The following C16orf89 variants were observed in gnomAD, a reference collection of about 807,000 sequenced individuals.
C16orf89 encodes the protein UPF0764 protein C16orf89.
In C16orf89, 57 loss-of-function variants were observed where a neutral mutation model predicts 41.5. The ratio of observed to expected loss-of-function variants is 1.38; its 90% confidence interval spans 1.11 to 1.71. The LOEUF (loss-of-function observed/expected upper bound fraction) is 1.71, where lower values mean the gene tolerates loss of function less well. Among genes scored for constraint, C16orf89 ranks in the 40% most tolerant of loss-of-function variants. C16orf89 has a pLI of 0.00. For synonymous variants in C16orf89, 223 were observed against 190.6 expected, an observed-to-expected ratio of 1.17 and a Z score of -1.40; for missense variants, 575 against 445.9, an observed-to-expected ratio of 1.29 and a Z score of -2.61.
intron 1 of C16orf89, among the ~76,000 whole-genome samples, chr16:5,064,681 C>A (rs1956698850): frequency 6.6e-6 from 1 of 152,158 alleles, no homozygotes; most frequent in African/African-American, 2.4e-5. Flanking sequence ...CACTGAATTC[C>A]TAGGGAATCT....
rs370716764 is a variant in C16orf89, at chr16:5,060,322, C to G, written c.473G>C (p.Arg158Thr). 1.2e-6 allele frequency: 2 copies of G among 1,612,582 alleles called. No individual in the cohort carries two copies. Among genetic ancestry groups the G allele is most frequent in the African/African-American group, 1.3e-5 (1 of 74,872 alleles). The change falls in exon 3 of 8, where the codon AGA becomes ACA. Residue 158 changes from arginine (R) to threonine (T), a missense_variant. Arg to Thr is a moderately conservative substitution (Grantham distance 71, BLOSUM62 -1). Coordinates refer to ENST00000472572, the MANE Select transcript of C16orf89 (RefSeq NM_001098514.3). ...CAGCTGCACCAGGCACACGTCACTT[C>G]TCTCCTCTGAGAATGAGTCCTGGGG... is the stretch of plus-strand genomic sequence containing the variant. Reference protein sequence around the residue: ...FGPQDSFSEERSDVCLVQLLG... With the variant: ...FGPQDSFSEETSDVCLVQLLG...
intron 7 of C16orf89, among the ~76,000 whole-genome samples, chr16:5,047,286 C>T (rs1468064699): frequency 1.3e-5 from 2 of 152,194 alleles, no homozygotes; most frequent in African/African-American, 4.8e-5. Flanking sequence ...TCAGCTCTTA[C>T]AACACCTCTG....
intron 2 of C16orf89, among the ~76,000 whole-genome samples, chr16:5,060,927 C>T (rs1015312470): frequency 1.2e-4 from 16 of 137,606 alleles, no homozygotes; most frequent in African/African-American, 4.1e-4. Flanking sequence ...TTGGAGAATG[C>T]AGTGAGCTAT....
chr16:5,053,988 T>C (rs1295053247), intron 6 of C16orf89, among the ~76,000 whole-genome samples: 1 of 152,224 alleles, frequency 6.6e-6, no homozygotes, highest in Non-Finnish European at 1.5e-5. Flanking sequence ...AATTATTACA[T>C]GTCTATTGAG....
intron 2 of C16orf89, among the ~76,000 whole-genome samples, chr16:5,061,502 A>ATAG (rs1567159530): frequency 2.1e-5 from 1 of 46,650 alleles, no homozygotes; most frequent in Non-Finnish European, 3.4e-5. Context: ...AAAAAAAAAA[A>ATAG]AACCCCCCCA....
At chr16:5,062,932 C>T (rs1160709577) in intron 1 of C16orf89, among the ~76,000 whole-genome samples, 1 of 152,174 alleles carries the variant, frequency 6.6e-6, no homozygotes, top group Non-Finnish European at 1.5e-5. Context: ...CCACTGTGTA[C>T]AGTTGAGCAG....
rs1224847127 is a variant in C16orf89, at chr16:5,058,877, A to G, written c.510-267T>C. ...CCTATTGCTCCATGGGCCAAATCAC[A>G]TCTTTTCCAGCCCCGAACAGTGGGT... On this transcript the variant is annotated intron_variant, in intron 3 of 7. Transcript: ENST00000472572. Among the ~76,000 whole-genome samples, 3 of 152,184 alleles carry G rather than the reference A, an allele frequency of 2.0e-5. 1 individual carries two copies. Among genetic ancestry groups the G allele is most frequent in the East Asian group, 3.9e-4 (2 of 5,126 alleles).
chr16:5,065,253 A>G (rs2142686291), intron 1 of C16orf89, among the ~76,000 whole-genome samples: 1 of 152,306 alleles, frequency 6.6e-6, no homozygotes, highest in East Asian at 1.9e-4. Context: ...CTGTTTTTGC[A>G]GAACCTTCAG....
chr16:5,049,978 A>T (rs1956368111), intron 6 of C16orf89, among the ~76,000 whole-genome samples: 1 of 152,186 alleles, frequency 6.6e-6, no homozygotes, highest in Non-Finnish European at 1.5e-5. Context: ...AAAAGACTCA[A>T]GTAAATGAAA....
In C16orf89 at chr16:5,058,488, C is replaced by G. The variant is rs778808233; in HGVS notation, c.627+5G>C. On this transcript the variant is annotated splice_donor_5th_base_variant and intron_variant, in intron 4 of 7. Coordinates refer to ENST00000472572, the MANE Select transcript of C16orf89 (RefSeq NM_001098514.3). ...TGGCACGGCGGGGGCTCCCTGGGCACTCACCATTCTGGCCCAGAGGAAGAA... is the reference window on the plus strand; with the variant it reads ...TGGCACGGCGGGGGCTCCCTGGGCAGTCACCATTCTGGCCCAGAGGAAGAA... 2 of 1,594,676 alleles carry G rather than the reference C, an allele frequency of 1.3e-6. No homozygotes were observed. The highest frequency in any genetic ancestry group is 1.7e-6 in the Non-Finnish European group (2 of 1,165,108).
chr16:5,047,907 C>T lies in C16orf89; in HGVS notation c.926G>A (p.Arg309Lys), dbSNP rs372664910. Residue 309 changes from arginine to lysine, a missense_variant, in exon 7 of 8, where the codon AGA (arginine) becomes AAA (lysine). Arg to Lys is a conservative substitution (Grantham distance 26, BLOSUM62 2). Coordinates refer to ENST00000472572, the MANE Select transcript of C16orf89 (RefSeq NM_001098514.3). The part of the protein sequence containing the change: ...AIQYQQHFSR[R>K]VKRREKQFPD... ...AAATTGTTTTTCTCGCCTCTTCACT[C>T]TCCTCGAAAAATGCTGCTGATATTG... 3.2e-5 allele frequency: 51 copies of T among 1,603,078 alleles called. No individual in the cohort carries two copies. Among genetic ancestry groups the T allele is most frequent in the Non-Finnish European group, 4.0e-5 (47 of 1,171,030 alleles).
In C16orf89 at chr16:5,057,479, GTA is replaced by G. The variant is rs201244784; in HGVS notation, c.627+1012_627+1013del. On this transcript the variant is annotated intron_variant, in intron 4 of 7. Transcript: ENST00000472572. ...AAGAAATATATATACTGGTGTGTGTGTATATATATATATATGCCACCATATAT... is the reference window on the plus strand; with the variant it reads ...AAGAAATATATATACTGGTGTGTGTGTATATATATATATGCCACCATATAT... 3.4e-3 allele frequency among the ~76,000 whole-genome samples: 494 copies of G among 144,556 alleles called. 4 individuals carry two copies. Among genetic ancestry groups the G allele is most frequent in the African/African-American group, 8.5e-3 (338 of 39,582 alleles). The allele number at this position is 144,556 out of a possible 152,430, so 94.8% of individuals were successfully genotyped here.
chr16:5,052,099 C>CAAAAAAAAAAAAA (rs35641084), intron 6 of C16orf89, among the ~76,000 whole-genome samples: 1 of 78,732 alleles, frequency 1.3e-5, no homozygotes, highest in Non-Finnish European at 2.4e-5. Flanking sequence ...GAGACTGTCT[C>CAAAAAAAAAAAAA]AAAAAAAAAA....
At chr16:5,059,046 C>T (rs1404120586) in intron 3 of C16orf89, among the ~76,000 whole-genome samples, 5 of 151,894 alleles carry the variant, frequency 3.3e-5, no homozygotes, top group Non-Finnish European at 5.9e-5. Flanking sequence ...TCGAGACCAG[C>T]CTGGCCAACA....
Position 5,060,131 on chromosome 16 carries a change from G to T in C16orf89, c.509+155C>A, listed in dbSNP as rs181581652. Reference sequence around the variant, plus strand: ...AGCAAGGGGGACCCTGCTGGAGTAGGAGAGGGCAGTACCCGGCAGCTACAG... The same window carrying T: ...AGCAAGGGGGACCCTGCTGGAGTAGTAGAGGGCAGTACCCGGCAGCTACAG... On this transcript the variant is annotated intron_variant, in intron 3 of 7. Transcript: ENST00000472572. 7 of 889,486 alleles carry T rather than the reference G, an allele frequency of 7.9e-6. No individual in the cohort carries two copies. In the African/African-American group the frequency reaches 8.4e-5, roughly 11 times the overall value. 55.1% of individuals were successfully genotyped at this position (889,486 alleles called of 1,614,324 possible). A position where few individuals can be genotyped will look rare whatever the true frequency, so the allele number is the denominator to read the frequency against.
chr16:5,044,689 T>TA (rs1393293877), intron 7 of C16orf89: 1 of 1,100,450 alleles, frequency 9.1e-7, no homozygotes, highest in Admixed American at 2.5e-5. Context: ...TAAAAAAATA[T>TA]AAAAATTAGC....
intron 6 of C16orf89, among the ~76,000 whole-genome samples, chr16:5,054,961 C>G (rs984428567): frequency 3.9e-5 from 6 of 152,152 alleles, no homozygotes; most frequent in African/African-American, 1.4e-4. Flanking sequence ...TTGGGTTTGT[C>G]TTTATCATCA....
chr16:5,060,397 G>A lies in C16orf89; in HGVS notation c.398C>T (p.Pro133Leu), dbSNP rs201429764. 408 of 1,613,134 alleles carry A rather than the reference G, an allele frequency of 2.5e-4. 2 individuals are homozygous for A. Among genetic ancestry groups the A allele is most frequent in the Non-Finnish European group, 6.2e-5 (73 of 1,179,642 alleles). Residue 133 changes from proline (P) to leucine (L), a missense_variant, in exon 3 of 8, where the codon CCA becomes CTA. Coordinates refer to ENST00000472572, the MANE Select transcript of C16orf89 (RefSeq NM_001098514.3). ...GGCATCAGTGTGGATCCAGGCATGT[G>A]GGAGCTTCCAAAACCCGGGCTGGAG... ...LTLQPGFWKL[P>L]HAWIHTDASL...
At chr16:5,045,439 T>C (rs1956277933) in intron 7 of C16orf89, among the ~76,000 whole-genome samples, 1 of 152,184 alleles carries the variant, frequency 6.6e-6, no homozygotes, top group Non-Finnish European at 1.5e-5. Context: ...CAAAGTGGGC[T>C]GCACGCCTCT....
Sources: gnomAD v4.1 joint callset for allele counts (sites outside exome capture counted in the v4.1 genomes callset) on GRCh38, gnomAD v4.1.1 for gene constraint, MANE v1.5 for transcripts, NCBI Gene and HGNC (gene_info 2026-07-23, HGNC 2026-07-21) for gene names.